Variants in RHBDD1 observed in about 807,000 individuals in gnomAD.
The protein encoded by RHBDD1 is rhomboid domain containing 1.
In RHBDD1, 38 loss-of-function variants were observed where a neutral mutation model predicts 36.3. That is an observed-to-expected ratio of 1.05 (90% confidence interval 0.81 to 1.37). The LOEUF is 1.37. RHBDD1 is among the 40% of genes most tolerant of loss of function. The pLI, the probability that RHBDD1 is intolerant of heterozygous loss-of-function variation, is 0.00. For synonymous variants in RHBDD1, 151 were observed against 136.5 expected (o/e 1.11, Z -0.74); for missense variants, 393 against 377.6 (o/e 1.04, Z -0.34).
chr2:226,835,055 C>T (rs1940851755), upstream of RHBDD1, among the ~76,000 whole-genome samples: 1 of 152,178 alleles, frequency 6.6e-6, no homozygotes, highest in African/African-American at 2.4e-5. Flanking sequence ...GGATTACAGG[C>T]GTGGGCCACC....
chr2:226,866,867 A>G lies in RHBDD1; in HGVS notation c.434-319A>G, dbSNP rs1311703879. On this transcript the variant is annotated intron_variant, in intron 4 of 8. Transcript: ENST00000392062. ...GTATTTTTATTGAGTTAAAATTTAT[A>G]TAGCATAACTATTTTGTAGTGCACA... Among the ~76,000 whole-genome samples, 4 of 152,228 alleles carry G rather than the reference A, an allele frequency of 2.6e-5. No homozygotes were observed. In the East Asian group the frequency reaches 7.7e-4, roughly 29 times the overall value.
At chr2:226,894,936 A>G (rs1038501223) in intron 5 of RHBDD1, among the ~76,000 whole-genome samples, 1 of 152,198 alleles carries the variant, frequency 6.6e-6, no homozygotes, top group African/African-American at 2.4e-5. Context: ...GCTGGGGGAC[A>G]TGGAGGGCAA....
intron 8 of RHBDD1, among the ~76,000 whole-genome samples, chr2:226,915,934 C>T (rs371530060): frequency 1.1e-4 from 16 of 152,232 alleles, no homozygotes; most frequent in Non-Finnish European, 2.4e-4. Flanking sequence ...TTTTGGCTAG[C>T]GAGCTAAGGT....
Position 226,914,241 on chromosome 2 carries a change from G to A in RHBDD1, c.746G>A (p.Gly249Asp). 3 of 1,613,706 alleles carry A rather than the reference G, an allele frequency of 1.9e-6. No homozygotes were observed. The highest frequency in any genetic ancestry group is 2.5e-6 in the Non-Finnish European group (3 of 1,179,770). ...GGATATCAGGATTATTATCCGCATG[G>A]CAGGCCAGATCACTATGAAGAAGCA... is the stretch of plus-strand genomic sequence containing the variant. Reference protein sequence around the residue: ...SSGYQDYYPHGRPDHYEEAPR... With the variant: ...SSGYQDYYPHDRPDHYEEAPR... The change falls in exon 8 of 9, where the codon GGC becomes GAC. Residue 249 changes from glycine (G) to aspartate (D), a missense_variant. Physicochemically the swap from Gly to Asp is moderately conservative, Grantham distance 94. Transcript: ENST00000392062.
chr2:226,913,571 A>G (rs377399279), intron 7 of RHBDD1, among the ~76,000 whole-genome samples: 2 of 152,302 alleles, frequency 1.3e-5, no homozygotes, highest in Non-Finnish European at 1.5e-5. Context: ...TACCTAAAGC[A>G]TTATTTAATG....
At chr2:226,945,876 G>A (rs917445456) in intron 8 of RHBDD1, among the ~76,000 whole-genome samples, 6 of 151,600 alleles carry the variant, frequency 4.0e-5, no homozygotes, top group African/African-American at 1.5e-4. Context: ...GGTATCTCAT[G>A]GTTTTGATTT....
rs1959389717 is a variant in RHBDD1 at position 226,996,637 on chromosome 2, A to G, written c.*1115A>G. The G allele has an allele frequency of 6.6e-6, 1 of 152,246 alleles. No homozygotes were observed. The highest frequency in any genetic ancestry group is 2.1e-4 in the South Asian group (1 of 4,834). The allele number at this position is 152,246 out of a possible 1,614,324, so 9.4% of individuals were successfully genotyped here. On this transcript the variant is annotated 3_prime_UTR_variant, in exon 9 of 9. Transcript: ENST00000392062. ...ATATAGTTTTCTGATTATGCACATA[A>G]TAGATATGCCTTCCAGATGCATAAG...
At chr2:226,940,085 C>A (rs1950571061) in intron 8 of RHBDD1, among the ~76,000 whole-genome samples, 1 of 152,138 alleles carries the variant, frequency 6.6e-6, no homozygotes, top group Non-Finnish European at 1.5e-5. Context: ...AAGCTGGACC[C>A]CTTCCCTACA....
At chr2:226,929,425 A>T (rs760206867) in intron 8 of RHBDD1, among the ~76,000 whole-genome samples, 1 of 152,160 alleles carries the variant, frequency 6.6e-6, no homozygotes, top group African/African-American at 2.4e-5. Flanking sequence ...ATTGATGCAT[A>T]AAAAGCATTT....
intron 3 of RHBDD1, among the ~76,000 whole-genome samples, chr2:226,851,199 A>C (rs1429671446): frequency 6.6e-6 from 1 of 151,888 alleles, no homozygotes; most frequent in Non-Finnish European, 1.5e-5. Flanking sequence ...CATCAAGGAG[A>C]GTTGATAAAT....
intron 5 of RHBDD1, 98 bp from the exon 6 acceptor site, chr2:226,906,695 G>C: frequency 6.3e-7 from 1 of 1,597,828 alleles, no homozygotes; most frequent in Non-Finnish European, 8.5e-7. Context: ...AAAGCCTGCA[G>C]ACTGTGACTA....
chr2:226,834,775 C>T (rs1940831415), upstream of RHBDD1, among the ~76,000 whole-genome samples: 1 of 152,074 alleles, frequency 6.6e-6, no homozygotes. Flanking sequence ...AAATTCCATA[C>T]CAAATAGTAA....
chr2:226,966,959 T>C (rs1952685073), intron 8 of RHBDD1, among the ~76,000 whole-genome samples: 1 of 152,162 alleles, frequency 6.6e-6, no homozygotes, highest in African/African-American at 2.4e-5. Flanking sequence ...TAATAAGCTC[T>C]GCAGATGATT....
chr2:226,909,952 G>C (rs1456053362), intron 7 of RHBDD1, among the ~76,000 whole-genome samples: 1 of 152,206 alleles, frequency 6.6e-6, no homozygotes, highest in Non-Finnish European at 1.5e-5. Context: ...CAGGCATCAA[G>C]GGCTTTATTG....
intron 5 of RHBDD1, among the ~76,000 whole-genome samples, chr2:226,868,618 G>A (rs1360630163): frequency 1.3e-5 from 2 of 152,194 alleles, no homozygotes; most frequent in Non-Finnish European, 2.9e-5. Context: ...GTTCTTTACA[G>A]ACAGTTTTTA....
chr2:226,977,695 G>C (rs145284674), intron 8 of RHBDD1, among the ~76,000 whole-genome samples: 247 of 152,276 alleles, frequency 1.6e-3, no homozygotes, highest in Non-Finnish European at 1.8e-3. Context: ...ATTATATAAA[G>C]AGCAGCCCCT....
chr2:226,908,799 A>C (rs748965387), intron 6 of RHBDD1, 23 bp from the exon 7 acceptor site: 1 of 1,564,426 alleles, frequency 6.4e-7, no homozygotes, highest in African/African-American at 1.4e-5. Context: ...TGCCATTAAA[A>C]TGTTTATTTC....
intron 8 of RHBDD1, among the ~76,000 whole-genome samples, chr2:226,983,551 G>A (rs1212177622): frequency 6.6e-6 from 1 of 152,176 alleles, no homozygotes; most frequent in African/African-American, 2.4e-5. Flanking sequence ...ACCACTCGGG[G>A]ATGGTTGTTC....
the RHBDD1 span, among the ~76,000 whole-genome samples, chr2:226,824,872 C>G: frequency 4.9e-4 from 74 of 152,254 alleles, 2 homozygotes; most frequent in East Asian, 0.011. Context: ...GGCAGAGATA[C>G]AGCTGTGTTT....
Sources: allele counts gnomAD v4.1 joint callset (sites outside exome capture counted in the v4.1 genomes callset), GRCh38; gene constraint gnomAD v4.1.1; transcripts MANE v1.5; gene names NCBI Gene and HGNC (gene_info 2026-07-23, HGNC 2026-07-21).